Variants in PRKG1 observed in about 807,000 individuals in gnomAD.
PRKG1 encodes protein kinase cGMP-dependent 1.
In PRKG1, 35 loss-of-function variants were observed where a neutral mutation model predicts 88.1. The observed-to-expected ratio is 0.40, with a 90% CI of 0.30 to 0.53. PRKG1 has a LOEUF of 0.53. PRKG1 is among the 20% of genes least tolerant of loss of function. PRKG1 has a pLI of 0.59. For missense variants in PRKG1, 540 were observed against 839.8 expected (o/e 0.64, Z 4.41); for synonymous variants, 303 against 292.5 (o/e 1.04, Z -0.37).
At chr10:51,541,118 G>C (rs1002539492) in intron 3 of PRKG1, among the ~76,000 whole-genome samples, 2 of 152,160 alleles carry the variant, frequency 1.3e-5, no homozygotes, top group Non-Finnish European at 2.9e-5. Context: ...TTTCCACAGA[G>C]CAGGGTTGGG....
At chr10:51,462,885 C>T (rs1334335829) in intron 2 of PRKG1, among the ~76,000 whole-genome samples, 3 of 151,614 alleles carry the variant, frequency 2.0e-5, no homozygotes, top group South Asian at 2.1e-4. Flanking sequence ...TAAGAGGACA[C>T]GATGAAAATT....
At chr10:52,226,352 T>C (rs957667417) in intron 9 of PRKG1, among the ~76,000 whole-genome samples, 1 of 152,162 alleles carries the variant, frequency 6.6e-6, no homozygotes, top group Non-Finnish European at 1.5e-5. Context: ...GTTAGTTAGA[T>C]TGATAAACAC....
chr10:51,964,302 G>A (rs1390912120), intron 5 of PRKG1, among the ~76,000 whole-genome samples: 1 of 152,164 alleles, frequency 6.6e-6, no homozygotes, highest in African/African-American at 2.4e-5. Context: ...GGATTAGGAT[G>A]TAAACATCTT....
At chr10:51,275,512 C>G (rs1383262881) in intron 2 of PRKG1, among the ~76,000 whole-genome samples, 4 of 152,108 alleles carry the variant, frequency 2.6e-5, no homozygotes, top group Non-Finnish European at 4.4e-5. Context: ...GCGTTTAAGG[C>G]TGGTAAGTCA....
chr10:51,145,028 T>TAAC (rs10695251), intron 1 of PRKG1, among the ~76,000 whole-genome samples: 99,305 of 151,772 alleles, frequency 0.65, 33,682 homozygotes, highest in African/African-American at 0.86. Flanking sequence ...ACAAGCATCT[T>TAAC]AACAGAATTA....
intron 1 of PRKG1, among the ~76,000 whole-genome samples, chr10:51,047,046 G>C (rs144778902): frequency 1.4e-3 from 215 of 152,272 alleles, no homozygotes; most frequent in African/African-American, 4.6e-3. Context: ...AACTAGGCCA[G>C]AATATTTAAG....
intron 2 of PRKG1, among the ~76,000 whole-genome samples, chr10:51,176,310 T>C (rs7100315): frequency 0.079 from 12,020 of 152,132 alleles, 1,027 homozygotes; most frequent in African/African-American, 0.21. Context: ...TTTCAAACCC[T>C]GTTCTCTTTG....
chr10:51,333,202 T>C (rs1021836515), intron 2 of PRKG1, among the ~76,000 whole-genome samples: 1 of 152,228 alleles, frequency 6.6e-6, no homozygotes, highest in African/African-American at 2.4e-5. Context: ...TTGAAGATAA[T>C]GTAAACTCAA....
intron 3 of PRKG1, among the ~76,000 whole-genome samples, chr10:51,566,273 T>C (rs1837601442): frequency 6.6e-6 from 1 of 152,062 alleles, no homozygotes. Context: ...CAGTTTCTCA[T>C]CACACAGATA....
chr10:51,090,048 A>G (rs1321931717), intron 1 of PRKG1, among the ~76,000 whole-genome samples: 1 of 152,160 alleles, frequency 6.6e-6, no homozygotes, highest in East Asian at 1.9e-4. Context: ...TTTAATTGCT[A>G]CTTTAGCACT....
chr10:51,981,328 A>G (rs563300607), intron 5 of PRKG1, among the ~76,000 whole-genome samples: 22 of 152,242 alleles, frequency 1.4e-4, no homozygotes, highest in African/African-American at 5.3e-4. Flanking sequence ...GCTCATGCCT[A>G]TAATCCCAGC....
At chr10:51,958,566 T>C (rs866855277) in intron 5 of PRKG1, among the ~76,000 whole-genome samples, 5 of 145,120 alleles carry the variant, frequency 3.4e-5, no homozygotes, top group African/African-American at 1.3e-4. Context: ...TTTTTTTCAG[T>C]TGGACGTCTA....
chr10:51,507,495 A>C (rs529284984), intron 3 of PRKG1, among the ~76,000 whole-genome samples: 1 of 152,160 alleles, frequency 6.6e-6, no homozygotes, highest in Non-Finnish European at 1.5e-5. Flanking sequence ...CTGTAAAATT[A>C]TTTCATATTT....
At chr10:52,273,945 T>A (rs1841799183) in intron 12 of PRKG1, among the ~76,000 whole-genome samples, 1 of 152,074 alleles carries the variant, frequency 6.6e-6, no homozygotes, top group Admixed American at 6.6e-5. Context: ...GAGTTAACAT[T>A]TGGCATATCT....
At chr10:51,250,508 C>T (rs1474746708) in intron 2 of PRKG1, among the ~76,000 whole-genome samples, 1 of 151,742 alleles carries the variant, frequency 6.6e-6, no homozygotes, top group Non-Finnish European at 1.5e-5. Flanking sequence ...ATGATTTTGT[C>T]AGCTGTTTTC....
chr10:51,331,767 C>T (rs1466738941), intron 2 of PRKG1, among the ~76,000 whole-genome samples: 1 of 152,188 alleles, frequency 6.6e-6, no homozygotes, highest in East Asian at 1.9e-4. Context: ...GAGAGTTCCA[C>T]TCCATCATCT....
rs35935908 is a variant in PRKG1 at position 51,377,085 on chromosome 10, T to TA, written c.479-90627dup. On this transcript the variant is annotated intron_variant, in intron 2 of 17. Coordinates refer to ENST00000373980, the MANE Select transcript of PRKG1 (RefSeq NM_006258.4). ...CTTAATGTTATAACCTGTTAGCAGT[T>TA]AAAAAAAAAAACACAGTATTTATCC... 8.0e-3 allele frequency among the ~76,000 whole-genome samples: 1,168 copies of TA among 146,440 alleles called. 11 individuals carry two copies. The highest frequency in any genetic ancestry group is 0.025 in the African/African-American group (1,001 of 40,276).
chr10:52,084,782 T>A (rs531921183), intron 7 of PRKG1, among the ~76,000 whole-genome samples: 1 of 152,204 alleles, frequency 6.6e-6, no homozygotes, highest in East Asian at 1.9e-4. Context: ...ATTTTGCAAG[T>A]TGTCTCAATA....
intron 2 of PRKG1, among the ~76,000 whole-genome samples, chr10:51,330,228 G>T (rs542667854): frequency 7.3e-4 from 109 of 149,812 alleles, no homozygotes; most frequent in African/African-American, 2.4e-3. Flanking sequence ...TCAGCTCACT[G>T]CAACCTCCAC....
Sources: gnomAD v4.1 joint callset for allele counts (sites outside exome capture counted in the v4.1 genomes callset) on GRCh38, gnomAD v4.1.1 for gene constraint, MANE v1.5 for transcripts, NCBI Gene and HGNC (gene_info 2026-07-23, HGNC 2026-07-21) for gene names.